The following EFEMP1 variants were observed in gnomAD, a reference collection of about 807,000 sequenced individuals.
EFEMP1 encodes the protein EGF-containing fibulin-like extracellular matrix protein 1.
A neutral mutation model predicts 65.7 loss-of-function variants in EFEMP1; 18 were observed. The ratio of observed to expected loss-of-function variants is 0.27; its 90% CI spans 0.19 to 0.41. The LOEUF is 0.41. Ranked by LOEUF, EFEMP1 falls within the 10% of genes least tolerant of loss-of-function variation. The pLI is 1.00. For missense variants in EFEMP1, 469 were observed against 624.8 expected (o/e 0.75, Z 2.66); for synonymous variants, 237 against 219.7 (o/e 1.08, Z -0.70).
In EFEMP1 at chr2:55,917,244, T is replaced by A. The variant is rs549584880; in HGVS notation, c.517+421A>T. Among the ~76,000 whole-genome samples the A allele has an allele frequency of 3.9e-5, 6 of 152,182 alleles. No homozygotes were observed. The highest frequency in any genetic ancestry group is 6.5e-5 in the Admixed American group (1 of 15,300). On this transcript the variant is annotated intron_variant, in intron 5 of 11. Coordinates refer to ENST00000355426, the MANE Select transcript of EFEMP1 (RefSeq NM_001039348.3). This position sits in a 1 kb window ranked among gnomAD's most constrained non-coding sequence, Gnocchi z 6.3. ...TGACTTTGGCACCCGCCTTCCTGGG[T>A]TGGAAGGTCAGCTCTGCACTTAGCA...
rs758641385 is a variant in EFEMP1, at chr2:55,867,190, T to A, written c.1365A>T (p.Leu455Phe). 14 of 1,613,912 alleles carry A rather than the reference T, an allele frequency of 8.7e-6. No homozygotes were observed. The highest frequency in any genetic ancestry group is 1.3e-5 in the African/African-American group (1 of 74,934). The part of the protein sequence containing the change: ...VSAMLVLVKS[L>F]SGPREHIVDL... Reference sequence around the variant, plus strand: ...CCACGATATGTTCTCTTGGTCCTGATAATGACTTCACGAGCACAAGCATTG... The same window carrying A: ...CCACGATATGTTCTCTTGGTCCTGAAAATGACTTCACGAGCACAAGCATTG... The change falls in exon 12 of 12, where the codon TTA becomes TTT. Residue 455 changes from leucine to phenylalanine, a missense_variant. Leu to Phe is a conservative substitution (Grantham distance 22). Coordinates refer to ENST00000355426, the MANE Select transcript of EFEMP1 (RefSeq NM_001039348.3). This position sits in a 1 kb window ranked among gnomAD's most constrained non-coding sequence, Gnocchi z 4.3.
intron 5 of EFEMP1, among the ~76,000 whole-genome samples, chr2:55,904,786 GCA>G (rs1670179178): frequency 6.6e-6 from 1 of 152,090 alleles, no homozygotes; most frequent in Admixed American, 6.6e-5. Flanking sequence ...CTTGTAGACA[GCA>G]GATGATGAGA....
chr2:55,878,892 C>T (rs1450401157), intron 6 of EFEMP1, among the ~76,000 whole-genome samples: 2 of 152,140 alleles, frequency 1.3e-5, no homozygotes, highest in Admixed American at 6.6e-5. Flanking sequence ...AGCAAGTAAA[C>T]ATAAATGGGA....
chr2:55,895,349 C>T lies in EFEMP1; in HGVS notation c.518-13615G>A, dbSNP rs539964373. Among the ~76,000 whole-genome samples, 26 of 152,306 alleles carry T rather than the reference C, an allele frequency of 1.7e-4. No individual in the cohort carries two copies. In the South Asian group the frequency reaches 4.8e-3, roughly 28 times the overall value. On this transcript the variant is annotated intron_variant, in intron 5 of 11. Coordinates refer to ENST00000355426, the MANE Select transcript of EFEMP1 (RefSeq NM_001039348.3). ...ATCTCATCAGTGCCATCTTACATGG[C>T]CCTCTGCATCAGCCTGGCCACCTAC... is the stretch of plus-strand genomic sequence containing the variant.
At position 55,923,573 on chromosome 2, in the gene EFEMP1, T is replaced by A; in HGVS notation, c.-49+138A>T. 1.0e-6 allele frequency: 1 copy of A among 982,732 alleles called. No individual in the cohort carries two copies. Among genetic ancestry groups the A allele is most frequent in the Middle Eastern group, 5.2e-4 (1 of 1,910 alleles). 60.9% of individuals were successfully genotyped at this position (982,732 alleles called of 1,614,324 possible). On this transcript the variant is annotated intron_variant, in intron 1 of 11. Coordinates refer to ENST00000355426, the MANE Select transcript of EFEMP1 (RefSeq NM_001039348.3). The surrounding 1 kb of genome is among the most constrained non-coding windows in gnomAD (Gnocchi z 5.3). ...GAGGCTGCACACCTCCACCTCCCTC[T>A]CTGCCCGAGACACCCTGCACAGTCC...
rs1297843591 is a variant in EFEMP1 at position 55,883,620 on chromosome 2, C to T, written c.518-1886G>A. On this transcript the variant is annotated intron_variant, in intron 5 of 11. Transcript: ENST00000355426. This position sits in a 1 kb window ranked among gnomAD's most constrained non-coding sequence, Gnocchi z 4.5. ...GGCTGCTGCATTTTCTAAGGGAGGC[C>T]TCAGCAGTGACTGAGGCTTTTCTTT... 6.6e-6 allele frequency among the ~76,000 whole-genome samples: 1 copy of T among 152,178 alleles called. No individual in the cohort carries two copies. The highest frequency in any genetic ancestry group is 2.4e-5 in the African/African-American group (1 of 41,448).
Position 55,877,561 on chromosome 2 carries a change from T to C in EFEMP1, c.760+185A>G, listed in dbSNP as rs1018037341. On this transcript the variant is annotated intron_variant, in intron 7 of 11. Transcript: ENST00000355426. This position sits in a 1 kb window ranked among gnomAD's most constrained non-coding sequence, Gnocchi z 4.5. ...GAGAACTAAAACCAAAGTTAAAAAG[T>C]TTTCTGTTCACATCTTGATGTGTTT... 3.9e-5 allele frequency among the ~76,000 whole-genome samples: 6 copies of C among 152,294 alleles called. No homozygotes were observed. The highest frequency in any genetic ancestry group is 6.8e-3 in the Middle Eastern group (2 of 294).
chr2:55,874,407 T>G (rs1668942253), intron 9 of EFEMP1, among the ~76,000 whole-genome samples: 1 of 152,102 alleles, frequency 6.6e-6, no homozygotes, highest in Non-Finnish European at 1.5e-5. Flanking sequence ...GTGAAGATCA[T>G]CTGAATGTTT....
intron 5 of EFEMP1, among the ~76,000 whole-genome samples, chr2:55,909,279 G>C (rs1444787939): frequency 6.6e-6 from 1 of 152,150 alleles, no homozygotes; most frequent in Non-Finnish European, 1.5e-5. Context: ...AAGTAAAACA[G>C]AATGCAGTTC....
Position 55,877,700 on chromosome 2 carries a change from T to C in EFEMP1, c.760+46A>G, listed in dbSNP as rs374149177. 40 of 1,611,286 alleles carry C rather than the reference T, an allele frequency of 2.5e-5. No individual in the cohort carries two copies. Among genetic ancestry groups the C allele is most frequent in the Non-Finnish European group, 3.4e-5 (40 of 1,178,206 alleles). On this transcript the variant is annotated intron_variant, in intron 7 of 11. Transcript: ENST00000355426. The surrounding 1 kb of genome is among the most constrained non-coding windows in gnomAD (Gnocchi z 4.5). ...GGAAATACTGCAACATGGCATGGGG[T>C]TTCCTTTTGTGAAGACAGAAATCAG...
chr2:55,916,537 C>T (rs909588649), intron 5 of EFEMP1, among the ~76,000 whole-genome samples: 15 of 152,200 alleles, frequency 9.9e-5, no homozygotes, highest in African/African-American at 3.6e-4. Flanking sequence ...TGTAGCAGCT[C>T]AGTGGTCTCT....
At chr2:55,910,678 A>G (rs1433935479) in intron 5 of EFEMP1, among the ~76,000 whole-genome samples, 1 of 152,206 alleles carries the variant, frequency 6.6e-6, no homozygotes, top group African/African-American at 2.4e-5. Flanking sequence ...TTCATTCCAC[A>G]GATTAAGTGT....
At position 55,866,729 on chromosome 2, in the gene EFEMP1, G is replaced by A; in HGVS notation, c.*344C>T. 1 of 252,868 alleles carries A rather than the reference G, an allele frequency of 4.0e-6. No homozygotes were observed. Among genetic ancestry groups the A allele is most frequent in the South Asian group, 5.6e-5 (1 of 17,728 alleles). The allele number at this position is 252,868 out of a possible 1,614,324, so 15.7% of individuals were successfully genotyped here. On this transcript the variant is annotated 3_prime_UTR_variant, in exon 12 of 12. Coordinates refer to ENST00000355426, the MANE Select transcript of EFEMP1 (RefSeq NM_001039348.3). ...TGGCTGCCTCCTTATGAGACTGTTA[G>A]TGGAGCTCTAGTAAGTTTCCTTAAG...
intron 5 of EFEMP1, among the ~76,000 whole-genome samples, chr2:55,902,961 CTT>C (rs963721983): frequency 6.6e-6 from 1 of 152,210 alleles, no homozygotes; most frequent in African/African-American, 2.4e-5. Context: ...CTCTCTGTCT[CTT>C]TCTCTTTCCT....
chr2:55,922,350 C>T lies in EFEMP1; in HGVS notation c.81+10G>A, dbSNP rs1018193042. The T allele has an allele frequency of 1.2e-6, 2 of 1,613,142 alleles. No individual in the cohort carries two copies. The highest frequency in any genetic ancestry group is 2.7e-5 in the African/African-American group (2 of 74,894). On this transcript the variant is annotated intron_variant, in intron 3 of 11. Transcript: ENST00000355426. This position sits in a 1 kb window ranked among gnomAD's most constrained non-coding sequence, Gnocchi z 5.5. ...GAACCGTACTTATTTCAAATTCCAT[C>T]ACCCCTTACCGTGTACGTGATGGTT...
chr2:55,912,115 G>A (rs1053223777), intron 5 of EFEMP1, among the ~76,000 whole-genome samples: 2 of 152,058 alleles, frequency 1.3e-5, no homozygotes, highest in Admixed American at 6.6e-5. Context: ...ACTGTAAGGA[G>A]GCTAAATGCC....
intron 7 of EFEMP1, 36 bp from the exon 8 acceptor site, chr2:55,876,778 GTA>G (rs1405577710): frequency 4.2e-6 from 5 of 1,193,006 alleles, no homozygotes; most frequent in East Asian, 2.9e-5. Flanking sequence ...ATATGTATAT[GTA>G]TATATATACA....
At chr2:55,884,211 T>G (rs1282327300) in intron 5 of EFEMP1, among the ~76,000 whole-genome samples, 1 of 152,260 alleles carries the variant, frequency 6.6e-6, no homozygotes, top group Non-Finnish European at 1.5e-5. Context: ...TATTTTCAAT[T>G]ACGTTAATGT....
At chr2:55,890,541 T>C (rs1297996040) in intron 5 of EFEMP1, among the ~76,000 whole-genome samples, 4 of 152,098 alleles carry the variant, frequency 2.6e-5, no homozygotes, top group Non-Finnish European at 5.9e-5. Context: ...AGAAAATGGC[T>C]ATATGCTGGC....
Sources: allele counts gnomAD v4.1 joint callset (sites outside exome capture counted in the v4.1 genomes callset), GRCh38; gene constraint gnomAD v4.1.1; non-coding constraint Gnocchi (gnomAD v3.1); transcripts MANE v1.5; gene names NCBI Gene and HGNC (gene_info 2026-07-23, HGNC 2026-07-21).